FHL5: variants seen among roughly 807,000 people sequenced by gnomAD.
FHL5 encodes four and a half LIM domains 5.
Under a neutral mutation model 32.0 loss-of-function variants are expected in FHL5, and 33 were observed. The ratio of observed to expected loss-of-function variants is 1.03; its 90% CI spans 0.78 to 1.38. The LOEUF (loss-of-function observed/expected upper bound fraction) is 1.38. Ranked by LOEUF, FHL5 falls within the 40% of genes most tolerant of loss-of-function variation. The pLI, the probability that FHL5 is intolerant of heterozygous loss-of-function variation, is 0.00. For missense variants in FHL5, 336 were observed against 343.9 expected, an observed-to-expected ratio of 0.98 and a Z score of 0.18; for synonymous variants, 114 against 113.6, an observed-to-expected ratio of 1.00 and a Z score of -0.02.
At chr6:96,595,131 A>G (rs2127968779) in intron 1 of FHL5, among the ~76,000 whole-genome samples, 2 of 151,526 alleles carry the variant, frequency 1.3e-5, no homozygotes, top group South Asian at 4.2e-4. Context: ...TTTTTTTCAA[A>G]CCACATTCTT....
intron 4 of FHL5, among the ~76,000 whole-genome samples, chr6:96,607,956 T>C (rs192761633): frequency 3.2e-4 from 49 of 152,266 alleles, no homozygotes; most frequent in African/African-American, 9.6e-4. Context: ...TGAGCCACTG[T>C]ACTCCAGCCT....
chr6:96,601,970 C>A (rs746372947), intron 1 of FHL5, among the ~76,000 whole-genome samples: 1 of 152,180 alleles, frequency 6.6e-6, no homozygotes, highest in Non-Finnish European at 1.5e-5. Context: ...TGTTCCATTG[C>A]GAACTTTCTA....
chr6:96,596,166 G>A (rs1184540144), intron 1 of FHL5, among the ~76,000 whole-genome samples: 1 of 151,976 alleles, frequency 6.6e-6, no homozygotes, highest in African/African-American at 2.4e-5. Context: ...GGATAACAAG[G>A]TCATCATGGC....
At chr6:96,565,167 G>A (rs1226366616) in intron 1 of FHL5, among the ~76,000 whole-genome samples, 1 of 152,082 alleles carries the variant, frequency 6.6e-6, no homozygotes, top group South Asian at 2.1e-4. Flanking sequence ...TTATGGGTTT[G>A]GGTTTACCTT....
chr6:96,567,602 A>C (rs1181017384), intron 1 of FHL5, among the ~76,000 whole-genome samples: 5 of 151,740 alleles, frequency 3.3e-5, no homozygotes, highest in Admixed American at 3.3e-4. Context: ...TTACAATATT[A>C]ATGTCTACAA....
chr6:96,598,156 C>A (rs1375189261), intron 1 of FHL5, among the ~76,000 whole-genome samples: 2 of 152,152 alleles, frequency 1.3e-5, no homozygotes, highest in Non-Finnish European at 2.9e-5. Context: ...TCGCTGCTGC[C>A]ACCACGAGTA....
intron 1 of FHL5, among the ~76,000 whole-genome samples, chr6:96,580,759 C>T (rs984363628): frequency 6.6e-6 from 1 of 152,128 alleles, no homozygotes; most frequent in Non-Finnish European, 1.5e-5. Flanking sequence ...ATTTATTGCT[C>T]TTAGTTGAAT....
chr6:96,570,352 A>G (rs914012749), intron 1 of FHL5, among the ~76,000 whole-genome samples: 2 of 152,078 alleles, frequency 1.3e-5, no homozygotes, highest in African/African-American at 2.4e-5. Flanking sequence ...TACTAGTCTA[A>G]TGCAGTTCTC....
intron 1 of FHL5, among the ~76,000 whole-genome samples, chr6:96,591,739 AC>A (rs1770922503): frequency 6.6e-6 from 1 of 151,956 alleles, no homozygotes; most frequent in Non-Finnish European, 1.5e-5. Flanking sequence ...GGGGAAATTC[AC>A]CCCCGATATT....
intron 1 of FHL5, among the ~76,000 whole-genome samples, chr6:96,599,830 TA>T (rs1771113412): frequency 1.3e-5 from 2 of 152,238 alleles, no homozygotes; most frequent in African/African-American, 4.8e-5. Flanking sequence ...GGTACATGTT[TA>T]TATTAATAGT....
chr6:96,591,824 G>A (rs560422568), intron 1 of FHL5, among the ~76,000 whole-genome samples: 2 of 152,246 alleles, frequency 1.3e-5, no homozygotes, highest in South Asian at 2.1e-4. Context: ...ACAAAAGAGA[G>A]AAATTTTAAA....
intron 3 of FHL5, 77 bp downstream of exon 3, chr6:96,605,001 A>C: frequency 9.1e-7 from 1 of 1,104,814 alleles, no homozygotes; most frequent in Non-Finnish European, 1.3e-6. Flanking sequence ...TGAGGAGTGC[A>C]GCAGCTCCCA....
At chr6:96,591,019 A>C (rs997427024) in intron 1 of FHL5, among the ~76,000 whole-genome samples, 2 of 152,084 alleles carry the variant, frequency 1.3e-5, no homozygotes, top group Non-Finnish European at 2.9e-5. Context: ...TTATTGTCAG[A>C]AGTATTATGG....
At chr6:96,590,384 T>A (rs965969211) in intron 1 of FHL5, among the ~76,000 whole-genome samples, 8 of 152,038 alleles carry the variant, frequency 5.3e-5, no homozygotes, top group African/African-American at 1.9e-4. Flanking sequence ...CTCAGGGAAT[T>A]TAAATATCAT....
At chr6:96,575,762 A>T (rs577625358) in intron 1 of FHL5, among the ~76,000 whole-genome samples, 2 of 152,154 alleles carry the variant, frequency 1.3e-5, no homozygotes, top group Non-Finnish European at 2.9e-5. Context: ...AAAATTCTTG[A>T]TCTGTTTTAA....
rs537293086 is a variant in FHL5, at chr6:96,589,797, T to C, written c.-12-13805T>C. Among the ~76,000 whole-genome samples the C allele has an allele frequency of 4.6e-5, 7 of 152,180 alleles. No individual in the cohort carries two copies. In the East Asian group the frequency reaches 1.3e-3, roughly 29 times the overall value. On this transcript the variant is annotated intron_variant, in intron 1 of 5. Coordinates refer to ENST00000450218, the MANE Select transcript of FHL5 (RefSeq NM_001322466.2). ...CTTATATTCTCAAAGGATTATTGCT[T>C]TGTCCTAACACTGAGATCTATGGTT...
chr6:96,603,921 C>T (rs1490371248), intron 2 of FHL5, 149 bp downstream of exon 2: 10 of 608,162 alleles, frequency 1.6e-5, no homozygotes, highest in Non-Finnish European at 2.6e-5. Flanking sequence ...AGTCAAGCTC[C>T]AGCCACTACA....
At chr6:96,594,037 T>C (rs982972049) in intron 1 of FHL5, among the ~76,000 whole-genome samples, 1 of 151,610 alleles carries the variant, frequency 6.6e-6, no homozygotes, top group Non-Finnish European at 1.5e-5. Flanking sequence ...TTACTTTTGC[T>C]TTTTTCAGTC....
intron 1 of FHL5, among the ~76,000 whole-genome samples, chr6:96,596,573 C>G (rs1771039177): frequency 6.6e-6 from 1 of 151,874 alleles, no homozygotes; most frequent in South Asian, 2.1e-4. Context: ...ATCTCTTTCC[C>G]ATCACATAAC....
Sources: allele counts gnomAD v4.1 joint callset (sites outside exome capture counted in the v4.1 genomes callset), GRCh38; gene constraint gnomAD v4.1.1; transcripts MANE v1.5; gene names NCBI Gene and HGNC (gene_info 2026-07-23, HGNC 2026-07-21).